VCL: variants seen among roughly 807,000 people sequenced by gnomAD.
VCL encodes the protein vinculin, also known as epididymis luminal protein 114.
In VCL, 47 loss-of-function variants were observed where a neutral mutation model predicts 125.7. That is an observed-to-expected ratio of 0.37 (90% confidence interval 0.30 to 0.48). VCL has a LOEUF of 0.48. Ranked by LOEUF, VCL falls within the 20% of genes least tolerant of loss-of-function variation. The pLI is 0.99. For missense variants in VCL, 1,069 were observed against 1,455.5 expected, an observed-to-expected ratio of 0.73 and a Z score of 4.32; for synonymous variants, 458 against 514.6, an observed-to-expected ratio of 0.89 and a Z score of 1.49.
intron 1 of VCL, among the ~76,000 whole-genome samples, chr10:74,029,404 C>T (rs1414277221): frequency 2.6e-5 from 4 of 152,150 alleles, no homozygotes; most frequent in African/African-American, 9.7e-5. Flanking sequence ...TGAGCCACTG[C>T]GCCTGGCCAG....
chr10:74,021,270 G>C (rs527760163), intron 1 of VCL, among the ~76,000 whole-genome samples: 3 of 151,984 alleles, frequency 2.0e-5, no homozygotes, highest in Non-Finnish European at 4.4e-5. Context: ...AATTGTGTTC[G>C]TGTCTGTTTC....
chr10:74,012,292 A>T (rs536184159), intron 1 of VCL, among the ~76,000 whole-genome samples: 1 of 152,272 alleles, frequency 6.6e-6, no homozygotes, highest in East Asian at 1.9e-4. Context: ...ATAAGAAAAA[A>T]TGTAGATCAG....
chr10:74,002,368 G>T (rs1027449348), intron 1 of VCL, among the ~76,000 whole-genome samples: 2 of 150,018 alleles, frequency 1.3e-5, no homozygotes, highest in African/African-American at 2.5e-5. Flanking sequence ...CAGGTTATCC[G>T]CCCGCCTCGG....
intron 1 of VCL, among the ~76,000 whole-genome samples, chr10:74,037,009 C>T (rs796131813): frequency 3.3e-5 from 5 of 151,574 alleles, no homozygotes; most frequent in South Asian, 2.1e-4. Context: ...CTCCCGGGTT[C>T]GCGCCATTCT....
intron 21 of VCL, among the ~76,000 whole-genome samples, chr10:74,117,710 G>A (rs930964969): frequency 2.0e-5 from 3 of 152,220 alleles, no homozygotes; most frequent in Non-Finnish European, 4.4e-5. Context: ...AGATCTGAAG[G>A]TGAGGGGATC....
At chr10:74,007,059 G>A (rs1175980163) in intron 1 of VCL, among the ~76,000 whole-genome samples, 1 of 152,074 alleles carries the variant, frequency 6.6e-6, no homozygotes, top group Non-Finnish European at 1.5e-5. Context: ...TCGACCTACT[G>A]GGCATTGATC....
intron 1 of VCL, among the ~76,000 whole-genome samples, chr10:73,999,584 A>G (rs887497555): frequency 6.6e-6 from 1 of 152,054 alleles, no homozygotes; most frequent in African/African-American, 2.4e-5. Context: ...TTGGGCGGCA[A>G]CTGTGGGTCT....
At chr10:74,079,871 T>A (rs1839650041) in intron 6 of VCL, among the ~76,000 whole-genome samples, 1 of 152,196 alleles carries the variant, frequency 6.6e-6, no homozygotes, top group South Asian at 2.1e-4. Flanking sequence ...CTGTTAAAAA[T>A]TTTGGTAACT....
intron 2 of VCL, among the ~76,000 whole-genome samples, chr10:74,066,703 A>T (rs568615369): frequency 1.4e-5 from 2 of 146,514 alleles, no homozygotes; most frequent in Admixed American, 6.8e-5. Context: ...ACTAAATCTC[A>T]CTCTATTGCC....
intron 14 of VCL, among the ~76,000 whole-genome samples, chr10:74,102,717 T>C (rs1459481344): frequency 6.6e-6 from 1 of 152,218 alleles, no homozygotes; most frequent in Non-Finnish European, 1.5e-5. Flanking sequence ...TCTAACACTC[T>C]TTAAAAGCTC....
At chr10:74,104,144 A>G (rs1840098690) in intron 15 of VCL, among the ~76,000 whole-genome samples, 1 of 152,132 alleles carries the variant, frequency 6.6e-6, no homozygotes, top group Admixed American at 6.5e-5. Context: ...AGTCTCTTTT[A>G]TTTTAATGCT....
At chr10:74,050,296 G>T (rs922582473) in intron 2 of VCL, among the ~76,000 whole-genome samples, 4 of 152,170 alleles carry the variant, frequency 2.6e-5, no homozygotes, top group African/African-American at 9.7e-5. Context: ...TTGAATAAAA[G>T]AATGTTCCCA....
At chr10:74,026,457 A>G (rs527685788) in intron 1 of VCL, among the ~76,000 whole-genome samples, 34 of 152,292 alleles carry the variant, frequency 2.2e-4, no homozygotes, top group Middle Eastern at 3.4e-3. Context: ...TGGGATAGTA[A>G]ATGGAACCCA....
chr10:74,120,740 A>G (rs763337128), downstream of VCL: 2 of 152,176 alleles, frequency 1.3e-5, no homozygotes, highest in Non-Finnish European at 2.9e-5. Context: ...CTGGTCTCGA[A>G]CTCCTGACCT....
intron 21 of VCL, 62 bp from the exon 22 acceptor site, chr10:74,117,961 T>C (rs949154893): frequency 1.8e-5 from 29 of 1,611,326 alleles, no homozygotes; most frequent in Non-Finnish European, 2.5e-5. Flanking sequence ...GGCTGAAACC[T>C]ATTTTAGAGA....
intron 2 of VCL, among the ~76,000 whole-genome samples, chr10:74,064,068 T>C (rs566717399): frequency 6.6e-6 from 1 of 152,310 alleles, no homozygotes; most frequent in Admixed American, 6.5e-5. Flanking sequence ...CCCACACTTC[T>C]GTCTGACTTT....
In VCL at chr10:74,002,018, T is replaced by G. The variant is rs577147420; in HGVS notation, c.168+3643T>G. On this transcript the variant is annotated intron_variant, in intron 1 of 21. Coordinates refer to ENST00000211998, the MANE Select transcript of VCL (RefSeq NM_014000.3). ...AATTTACTAGATGAAGATGAAATTT[T>G]CAATTGTTGTAATAGTCATTCACTT... 2.0e-5 allele frequency among the ~76,000 whole-genome samples: 3 copies of G among 152,350 alleles called. No homozygotes were observed. The South Asian group carries it at 6.2e-4, about 32-fold the overall frequency.
At chr10:74,108,744 T>C (rs2075246986) in intron 17 of VCL, among the ~76,000 whole-genome samples, 1 of 152,170 alleles carries the variant, frequency 6.6e-6, no homozygotes, top group South Asian at 2.1e-4. Flanking sequence ...CCTCCCAAAG[T>C]GCTGGGATTA....
rs1044605378 is a variant in VCL at position 74,097,903 on chromosome 10, G to A, written c.1872+571G>A. On this transcript the variant is annotated intron_variant, in intron 13 of 21. Transcript: ENST00000211998. The surrounding 1 kb of genome is among the most constrained non-coding windows in gnomAD (Gnocchi z 4.1). ...TGGTAAGCCAACTCTCCAGGAAAACGAAAAACCTTGATTTGTAATGTTTGT... is the reference window on the plus strand; with the variant it reads ...TGGTAAGCCAACTCTCCAGGAAAACAAAAAACCTTGATTTGTAATGTTTGT... 6.6e-6 allele frequency among the ~76,000 whole-genome samples: 1 copy of A among 152,128 alleles called. No homozygotes were observed. Among genetic ancestry groups the A allele is most frequent in the Non-Finnish European group, 1.5e-5 (1 of 68,016 alleles).
Sources: gnomAD v4.1 joint callset for allele counts (sites outside exome capture counted in the v4.1 genomes callset) on GRCh38, gnomAD v4.1.1 for gene constraint, Gnocchi (gnomAD v3.1) non-coding constraint, MANE v1.5 for transcripts, NCBI Gene and HGNC (gene_info 2026-07-23, HGNC 2026-07-21) for gene names.